The following KDM4B variants were observed in gnomAD, a reference collection of about 807,000 sequenced individuals.
KDM4B encodes the protein lysine-specific demethylase 4B.
A neutral mutation model predicts 125.2 loss-of-function variants in KDM4B; 32 were observed. That is an observed-to-expected ratio of 0.26 (90% CI 0.19 to 0.34). The LOEUF (loss-of-function observed/expected upper bound fraction) is 0.34. Among genes scored for constraint, KDM4B ranks in the 10% least tolerant of loss-of-function variants. The pLI is 1.00. For missense variants in KDM4B, 1,190 were observed against 1,577.7 expected (o/e 0.75, Z 4.16); for synonymous variants, 721 against 677.9 (o/e 1.06, Z -0.99).
chr19:5,110,104 G>C (rs1047981912), intron 9 of KDM4B, among the ~76,000 whole-genome samples: 1 of 152,138 alleles, frequency 6.6e-6, no homozygotes, highest in Non-Finnish European at 1.5e-5. Context: ...TTTGCTCAGT[G>C]GCCGTTCCAA....
intron 1 of KDM4B, among the ~76,000 whole-genome samples, chr19:4,972,211 C>T (rs1271843329): frequency 1.3e-5 from 2 of 152,192 alleles, no homozygotes; most frequent in Non-Finnish European, 2.9e-5. Context: ...GGATCTCTGC[C>T]CTCTGTCCCA....
At chr19:5,138,285 G>A in intron 18 of KDM4B, 1 of 570,654 alleles carries the variant, frequency 1.8e-6, no homozygotes, top group East Asian at 3.0e-5. Context: ...AAATCAGAAG[G>A]CATCAAGGGT....
chr19:5,145,018 T>A (rs1599273240), intron 21 of KDM4B, 116 bp downstream of exon 21: 1 of 1,401,122 alleles, frequency 7.1e-7, no homozygotes, highest in Non-Finnish European at 9.8e-7. Context: ...CTGGCGGGTG[T>A]GGGCCATGGT....
intron 1 of KDM4B, among the ~76,000 whole-genome samples, chr19:5,013,591 C>A (rs1218006227): frequency 6.6e-6 from 1 of 152,154 alleles, no homozygotes; most frequent in African/African-American, 2.4e-5. Flanking sequence ...TAGAGGTGTC[C>A]GCATCCCTCG....
intron 9 of KDM4B, among the ~76,000 whole-genome samples, chr19:5,096,478 C>T (rs2038825339): frequency 6.6e-6 from 1 of 152,172 alleles, no homozygotes. Context: ...CCCAGGTCTC[C>T]ACGGGCTTGG....
At chr19:5,029,580 A>G (rs185521948) in intron 2 of KDM4B, among the ~76,000 whole-genome samples, 33 of 152,206 alleles carry the variant, frequency 2.2e-4, no homozygotes, top group African/African-American at 8.0e-4. Context: ...TAATGCCAAT[A>G]CTTTGGGAGG....
intron 1 of KDM4B, among the ~76,000 whole-genome samples, chr19:4,987,514 T>A (rs1040078020): frequency 6.6e-6 from 1 of 151,920 alleles, no homozygotes; most frequent in African/African-American, 2.4e-5. Context: ...ATGTCTCTGG[T>A]TGGGGAGGAG....
chr19:5,090,314 C>G (rs1197833196), intron 9 of KDM4B, among the ~76,000 whole-genome samples: 1 of 151,660 alleles, frequency 6.6e-6, no homozygotes, highest in Non-Finnish European at 1.5e-5. Context: ...TGAGAAGTCT[C>G]TTTCTCAGCT....
Position 4,993,285 on chromosome 19 carries a change from C to T in KDM4B, c.-108-22972C>T, listed in dbSNP as rs141912589. On this transcript the variant is annotated intron_variant, in intron 1 of 22. Transcript: ENST00000159111. ...ATTAGCCGAGTGTGGTGGCGCATGC[C>T]TGTATTCCAGCTACTCGGGAGGCTG... Among the ~76,000 whole-genome samples, 139 of 152,170 alleles carry T rather than the reference C, an allele frequency of 9.1e-4. 2 individuals are homozygous for T. The highest frequency in any genetic ancestry group is 2.9e-3 in the African/African-American group (119 of 41,526).
intron 18 of KDM4B, chr19:5,140,152 A>C (rs918019934): frequency 6.6e-6 from 1 of 152,638 alleles, no homozygotes; most frequent in African/African-American, 2.4e-5. Context: ...AGGGCTTGTC[A>C]AATCTGCAGC....
At chr19:5,037,168 G>A (rs1438454040) in intron 3 of KDM4B, among the ~76,000 whole-genome samples, 3 of 152,230 alleles carry the variant, frequency 2.0e-5, no homozygotes, top group Admixed American at 1.3e-4. Context: ...GCGAATTCAC[G>A]GCTTCCCCTC....
intron 11 of KDM4B, among the ~76,000 whole-genome samples, chr19:5,122,587 T>C (rs2039380406): frequency 6.6e-6 from 1 of 152,190 alleles, no homozygotes; most frequent in Admixed American, 6.5e-5. Context: ...GATGAACAAA[T>C]TCAGTGACTC....
chr19:4,978,297 A>G (rs1455220104), intron 1 of KDM4B, among the ~76,000 whole-genome samples: 3 of 151,974 alleles, frequency 2.0e-5, no homozygotes, highest in African/African-American at 7.3e-5. Flanking sequence ...ACCTGGGGTC[A>G]GGAGTTCAAG....
intron 1 of KDM4B, among the ~76,000 whole-genome samples, chr19:4,991,667 C>T (rs183011579): frequency 1.3e-5 from 2 of 152,094 alleles, no homozygotes; most frequent in South Asian, 2.1e-4. Flanking sequence ...AGAGTCTTTG[C>T]GACATTCTGT....
At position 5,137,737 on chromosome 19, in the gene KDM4B, T is replaced by G. The variant is rs954365691; in HGVS notation, c.2441+61T>G. On this transcript the variant is annotated intron_variant, in intron 17 of 22. Coordinates refer to ENST00000159111, the MANE Select transcript of KDM4B (RefSeq NM_015015.3). The stretch of plus-strand genomic sequence containing the variant: ...AGGGGAGCCTGCCCTGGGCTGAGGC[T>G]CTGCAGGGTGTGACCCCAGTGCCTA... 10 of 1,463,370 alleles carry G rather than the reference T, an allele frequency of 6.8e-6. No homozygotes were observed. The African/African-American group carries it at 1.2e-4, about 18-fold the overall frequency. The allele number at this position is 1,463,370 out of a possible 1,614,324, so 90.6% of individuals were successfully genotyped here.
intron 6 of KDM4B, among the ~76,000 whole-genome samples, chr19:5,050,954 G>T (rs1029184189): frequency 6.6e-6 from 1 of 152,154 alleles, no homozygotes; most frequent in Non-Finnish European, 1.5e-5. Flanking sequence ...TGGGGTGGGG[G>T]TGGTTTAGCC....
At position 5,114,043 on chromosome 19, in the gene KDM4B, G is replaced by T; in HGVS notation, c.1115+3225G>T. On this transcript the variant is annotated intron_variant, in intron 10 of 22. Transcript: ENST00000159111. This position sits in a 1 kb window ranked among gnomAD's most constrained non-coding sequence, Gnocchi z 5.8. ...TATTCTTCCCCCTGATGGATGGGTC[G>T]CCTAAAACTGCAGCCTGGCTCCTGG... 7.8e-7 allele frequency: 1 copy of T among 1,286,126 alleles called. No homozygotes were observed. The highest frequency in any genetic ancestry group is 1.0e-6 in the Non-Finnish European group (1 of 986,768). 79.7% of individuals were successfully genotyped at this position (1,286,126 alleles called of 1,614,324 possible).
At chr19:4,979,440 T>G (rs1294026828) in intron 1 of KDM4B, among the ~76,000 whole-genome samples, 1 of 152,134 alleles carries the variant, frequency 6.6e-6, no homozygotes, top group African/African-American at 2.4e-5. Context: ...CGAGAGGAAC[T>G]TGGGGGTGTG....
At chr19:5,067,379 C>T (rs544300438) in intron 6 of KDM4B, among the ~76,000 whole-genome samples, 2 of 152,200 alleles carry the variant, frequency 1.3e-5, no homozygotes, top group African/African-American at 2.4e-5. Flanking sequence ...TGCGCTGGGC[C>T]GCAGACCCTC....
Sources: allele counts gnomAD v4.1 joint callset (sites outside exome capture counted in the v4.1 genomes callset), GRCh38; gene constraint gnomAD v4.1.1; non-coding constraint Gnocchi (gnomAD v3.1); transcripts MANE v1.5; gene names NCBI Gene and HGNC (gene_info 2026-07-23, HGNC 2026-07-21).